Variants in FAT3 observed in about 807,000 individuals in gnomAD.
FAT3 encodes protocadherin Fat 3.
FAT3 carries 95 observed loss-of-function variants against 310.2 expected under a neutral mutation model. The ratio of observed to expected loss-of-function variants is 0.31; its 90% CI spans 0.26 to 0.36. The LOEUF (loss-of-function observed/expected upper bound fraction) is 0.36, where lower values mean the gene tolerates loss of function less well. Among genes scored for constraint, FAT3 ranks in the 10% least tolerant of loss-of-function variants. The pLI is 1.00. For missense variants in FAT3, 5,408 were observed against 5,715.6 expected, an observed-to-expected ratio of 0.95 and a Z score of 1.74; for synonymous variants, 2,314 against 2,192.9, an observed-to-expected ratio of 1.06 and a Z score of -1.54.
chr11:92,355,455 T>C, intron 2 of FAT3, 51 bp downstream of exon 2: 1 of 1,531,208 alleles, frequency 6.5e-7, no homozygotes, highest in South Asian at 1.2e-5. Context: ...TTTTAAATGG[T>C]CAACAGTGGA....
At position 92,672,446 on chromosome 11, in the gene FAT3, C is replaced by T. The variant is rs116372175; in HGVS notation, c.3608-24938C>T. Among the ~76,000 whole-genome samples the T allele has an allele frequency of 5.7e-4, 87 of 152,194 alleles. 1 individual carries two copies. The highest frequency in any genetic ancestry group is 2.0e-3 in the African/African-American group (85 of 41,520). ...TGTTGAAGTAAATATTGCTGAAGAC[C>T]CTTCCCTTTGTTTTAAATGGTTGTC... On this transcript the variant is annotated intron_variant, in intron 3 of 27. Coordinates refer to ENST00000525166, the MANE Select transcript of FAT3 (RefSeq NM_001367949.2).
At chr11:92,519,506 C>A (rs1953611582) in intron 2 of FAT3, among the ~76,000 whole-genome samples, 1 of 151,836 alleles carries the variant, frequency 6.6e-6, no homozygotes, top group African/African-American at 2.4e-5. Flanking sequence ...CAAAACATGA[C>A]CTATAAAAGA....
At chr11:92,706,940 CT>C (rs1944373410) in intron 4 of FAT3, among the ~76,000 whole-genome samples, 1 of 152,194 alleles carries the variant, frequency 6.6e-6, no homozygotes, top group Non-Finnish European at 1.5e-5. Flanking sequence ...CGGAAGGGTG[CT>C]GTGGATCTTT....
intron 3 of FAT3, among the ~76,000 whole-genome samples, chr11:92,658,272 T>C (rs1366606537): frequency 6.6e-6 from 1 of 152,212 alleles, no homozygotes; most frequent in Non-Finnish European, 1.5e-5. Flanking sequence ...ATTTGAGAAG[T>C]GTCCAAAAGT....
In FAT3 at chr11:92,844,382, C is replaced by T. The variant is rs750369739; in HGVS notation, c.11015C>T (p.Thr3672Ile). Residue 3672 changes from threonine to isoleucine, a missense_variant, in exon 19 of 28, where the codon ACC becomes ATC. Physicochemically the swap from Thr to Ile is moderately conservative, Grantham distance 89 (BLOSUM62 -1). Coordinates refer to ENST00000525166, the MANE Select transcript of FAT3 (RefSeq NM_001367949.2). ...CTGCACATGCATGGGTTCCGGCGCA[C>T]CCTGCGGAATGCAGTCCTCACCCAG... ...VGLHMHGFRR[T>I]LRNAVLTQKQ... 2.5e-6 allele frequency: 4 copies of T among 1,613,842 alleles called. No individual in the cohort carries two copies. The African/African-American group carries it at 5.3e-5, about 22-fold the overall frequency.
chr11:92,697,893 A>C (rs1268235776), intron 4 of FAT3, among the ~76,000 whole-genome samples: 1 of 152,200 alleles, frequency 6.6e-6, no homozygotes, highest in Admixed American at 6.5e-5. Context: ...GCCAGAGATG[A>C]CTATTGCTGA....
At position 92,798,077 on chromosome 11, in the gene FAT3, A is replaced by G; in HGVS notation, c.5064A>G (p.Thr1688=). ...TAAATGAAAATGTTGACATTGGAAC[A>G]TCAGTCATTCTAATCTCTGCCATCA... ...AEVNENVDIG[T]SVILISAISQ... is the part of the protein sequence containing the mutation. Residue 1688 remains threonine, a synonymous_variant, in exon 10 of 28, where the codon ACA becomes ACG. Transcript: ENST00000525166. 1 of 1,613,948 alleles carries G rather than the reference A, an allele frequency of 6.2e-7. No individual in the cohort carries two copies. The highest frequency in any genetic ancestry group is 8.5e-7 in the Non-Finnish European group (1 of 1,179,854).
At chr11:92,625,795 A>G (rs1179818424) in intron 3 of FAT3, among the ~76,000 whole-genome samples, 1 of 151,612 alleles carries the variant, frequency 6.6e-6, no homozygotes, top group Non-Finnish European at 1.5e-5. Flanking sequence ...AGACACACTT[A>G]GCTAACCCCA....
At chr11:92,400,768 T>G (rs1335038214) in intron 2 of FAT3, 2 of 151,710 alleles carry the variant, frequency 1.3e-5, no homozygotes, top group East Asian at 1.9e-4. Flanking sequence ...ATGAAGTAAG[T>G]TGATATGAAC....
rs139387509 is a variant in FAT3, at chr11:92,689,624, G to C, written c.3608-7760G>C. On this transcript the variant is annotated intron_variant, in intron 3 of 27. Coordinates refer to ENST00000525166, the MANE Select transcript of FAT3 (RefSeq NM_001367949.2). ...TGCAGTTGGGAGGAAGAACCATGAA[G>C]ACTGGTGATGAGGAGAGGAATTGAT... 6.1e-4 allele frequency among the ~76,000 whole-genome samples: 93 copies of C among 152,300 alleles called. 1 individual carries two copies. The highest frequency in any genetic ancestry group is 1.9e-3 in the African/African-American group (77 of 41,578).
At chr11:92,488,971 A>C (rs1362914700) in intron 2 of FAT3, among the ~76,000 whole-genome samples, 1 of 152,128 alleles carries the variant, frequency 6.6e-6, no homozygotes, top group East Asian at 1.9e-4. Context: ...TCCATATTAA[A>C]ATTGGGTGAT....
At chr11:92,263,001 T>TA (rs1315560135) in intron 1 of FAT3, among the ~76,000 whole-genome samples, 1 of 152,046 alleles carries the variant, frequency 6.6e-6, no homozygotes, top group East Asian at 1.9e-4. Context: ...TTTTTTTTTT[T>TA]ATTCCTCATT....
At chr11:92,704,616 G>A (rs1487247369) in intron 4 of FAT3, among the ~76,000 whole-genome samples, 1 of 152,142 alleles carries the variant, frequency 6.6e-6, no homozygotes, top group Non-Finnish European at 1.5e-5. Flanking sequence ...TATGTACAGA[G>A]GGAAGGCCAT....
At chr11:92,439,226 A>T (rs571386239) in intron 2 of FAT3, among the ~76,000 whole-genome samples, 1 of 151,906 alleles carries the variant, frequency 6.6e-6, no homozygotes, top group East Asian at 1.9e-4. Flanking sequence ...AAAACCCACA[A>T]TTTTTAATGC....
intron 3 of FAT3, among the ~76,000 whole-genome samples, chr11:92,662,793 G>T (rs1199112942): frequency 6.6e-6 from 1 of 152,156 alleles, no homozygotes; most frequent in Non-Finnish European, 1.5e-5. Flanking sequence ...ACATCATCTT[G>T]AATTCTTTAT....
chr11:92,687,143 C>T (rs1004630975), intron 3 of FAT3, among the ~76,000 whole-genome samples: 1 of 152,156 alleles, frequency 6.6e-6, no homozygotes, highest in Non-Finnish European at 1.5e-5. Flanking sequence ...ATATAATACA[C>T]TGCTTTTTGT....
rs67529435 is a variant in FAT3, at chr11:92,387,063, AGTGTGTGTGTGT to A, written c.3292+31696_3292+31707del. ...GCAATGCCCAAGGATTATGGGAGCT[AGTGTGTGTGTGT>A]GTGTGTGTGTGTGTGTGTGTGTGTG... On this transcript the variant is annotated intron_variant, in intron 2 of 27. Transcript: ENST00000525166. 7.7e-4 allele frequency among the ~76,000 whole-genome samples: 111 copies of A among 144,252 alleles called. No homozygotes were observed. In the East Asian group the frequency reaches 0.013, roughly 17 times the overall value. The allele number at this position is 144,252 out of a possible 152,430, so 94.6% of individuals were successfully genotyped here.
chr11:92,593,695 T>C (rs149250211), intron 3 of FAT3, among the ~76,000 whole-genome samples: 2 of 152,282 alleles, frequency 1.3e-5, no homozygotes, highest in East Asian at 3.9e-4. Flanking sequence ...TTGCAAAATA[T>C]AGTACTCTGT....
chr11:92,366,558 A>T (rs998868497), intron 2 of FAT3: 1 of 506,820 alleles, frequency 2.0e-6, no homozygotes, highest in Non-Finnish European at 4.0e-6. Flanking sequence ...ATCCCCCAAG[A>T]ACTGCATGCG....
Sources: gnomAD v4.1 joint callset for allele counts (sites outside exome capture counted in the v4.1 genomes callset) on GRCh38, gnomAD v4.1.1 for gene constraint, MANE v1.5 for transcripts, NCBI Gene and HGNC (gene_info 2026-07-23, HGNC 2026-07-21) for gene names.